The following AKR1D1 variants were observed in gnomAD, a reference collection of about 807,000 sequenced individuals.
AKR1D1 encodes the protein aldo-keto reductase family 1 member D1.
In AKR1D1, 32 loss-of-function variants were observed where a neutral mutation model predicts 42.6. That is an observed-to-expected ratio of 0.75 (90% CI 0.57 to 1.01). AKR1D1 has a LOEUF of 1.01. Among genes scored for constraint, AKR1D1 ranks in the 50% least tolerant of loss-of-function variants. The pLI is 0.00. For synonymous variants in AKR1D1, 123 were observed against 135.5 expected (o/e 0.91, Z 0.64); for missense variants, 364 against 402.2 (o/e 0.91, Z 0.81).
rs1454045690 is a variant in AKR1D1 at position 138,117,694 on chromosome 7, G to C, written c.*1032G>C. ...ATAAGATTATTAGAATTCAGCAATA[G>C]AGATATATCTATTTTCAATTCAACT... On this transcript the variant is annotated 3_prime_UTR_variant, in exon 9 of 9. Coordinates refer to ENST00000242375, the MANE Select transcript of AKR1D1 (RefSeq NM_005989.4). The C allele has an allele frequency of 1.3e-5, 2 of 152,216 alleles. No individual in the cohort carries two copies. The highest frequency in any genetic ancestry group is 4.8e-5 in the African/African-American group (2 of 41,460). The allele number at this position is 152,216 out of a possible 1,614,324, so 9.4% of individuals were successfully genotyped here. A position where few individuals can be genotyped will look rare whatever the true frequency, so the allele number is the denominator to read the frequency against.
In AKR1D1 at chr7:138,106,644, T is replaced by A; in HGVS notation, c.616T>A (p.Leu206Met). The A allele has an allele frequency of 6.2e-7, 1 of 1,614,170 alleles. No individual in the cohort carries two copies. Among genetic ancestry groups the A allele is most frequent in the Admixed American group, 1.7e-5 (1 of 60,010 alleles). The change falls in exon 6 of 9, where the codon TTG becomes ATG. Residue 206 changes from leucine (L) to methionine (M), a missense_variant. Transcript: ENST00000242375. ...CHPYFTQPKL[L>M]KFCQQHDIVI... ...TCCGTATTTCACCCAGCCAAAACTC[T>A]TGAAATTTTGCCAACAACATGACAT... is the stretch of plus-strand genomic sequence containing the variant.
intron 6 of AKR1D1, 49 bp from the exon 7 acceptor site, chr7:138,107,366 G>C: frequency 1.9e-6 from 3 of 1,590,764 alleles, no homozygotes; most frequent in Non-Finnish European, 2.6e-6. Context: ...ATTAACCTTT[G>C]GTTCTCATTA....
At chr7:138,113,403 G>A (rs1794572091) in intron 7 of AKR1D1, among the ~76,000 whole-genome samples, 1 of 152,016 alleles carries the variant, frequency 6.6e-6, no homozygotes, top group Non-Finnish European at 1.5e-5. Context: ...ATTTCATACA[G>A]AAATAAGAAT....
intron 4 of AKR1D1, 153 bp downstream of exon 4, chr7:138,098,096 T>C: frequency 1.5e-6 from 1 of 671,572 alleles, no homozygotes; most frequent in Non-Finnish European, 2.6e-6. Flanking sequence ...TACAGGTATA[T>C]GAAATCTCCA....
chr7:138,088,811 T>A, intron 2 of AKR1D1, 43 bp downstream of exon 2: 1 of 1,550,778 alleles, frequency 6.4e-7, no homozygotes, highest in Non-Finnish European at 8.7e-7. Flanking sequence ...AGTGAGAAGG[T>A]TTCAGTTGTT....
At position 138,098,729 on chromosome 7, in the gene AKR1D1, C is replaced by T. The variant is rs568443999; in HGVS notation, c.456+786C>T. Among the ~76,000 whole-genome samples the T allele has an allele frequency of 3.8e-4, 58 of 151,996 alleles. 1 individual carries two copies. The highest frequency in any genetic ancestry group is 4.2e-4 in the South Asian group (2 of 4,806). Reference sequence around the variant, plus strand: ...AACTATAGGAAAATAATAAATAAACCCTTATGGATTCGTGGTGGGGAGGGA... The same window carrying T: ...AACTATAGGAAAATAATAAATAAACTCTTATGGATTCGTGGTGGGGAGGGA... On this transcript the variant is annotated intron_variant, in intron 4 of 8. Transcript: ENST00000242375.
chr7:138,087,889 TTTTC>T (rs1257699871), intron 1 of AKR1D1, among the ~76,000 whole-genome samples: 3 of 149,268 alleles, frequency 2.0e-5, no homozygotes, highest in South Asian at 2.1e-4. Context: ...GCTACATTTC[TTTTC>T]TTTTTTTTTT....
chr7:138,108,743 G>T (rs1300892969), intron 7 of AKR1D1, among the ~76,000 whole-genome samples: 1 of 152,146 alleles, frequency 6.6e-6, no homozygotes, highest in African/African-American at 2.4e-5. Context: ...GTACAAAAAG[G>T]TGTCTATAGT....
At chr7:138,100,601 C>T (rs1794281052) in intron 4 of AKR1D1, among the ~76,000 whole-genome samples, 1 of 150,994 alleles carries the variant, frequency 6.6e-6, no homozygotes, top group East Asian at 2.0e-4. Context: ...CAATCCTAAA[C>T]ATCTATGCCC....
At chr7:138,116,529 T>C in intron 8 of AKR1D1, 91 bp from the exon 9 acceptor site, 3 of 1,339,754 alleles carry the variant, frequency 2.2e-6, no homozygotes, top group South Asian at 1.2e-5. Flanking sequence ...AGAGGGGTAG[T>C]GGTCAGTGAA....
intron 4 of AKR1D1, among the ~76,000 whole-genome samples, chr7:138,100,013 G>T (rs1200254595): frequency 7.1e-6 from 1 of 141,148 alleles, no homozygotes; most frequent in African/African-American, 2.6e-5. Context: ...AAGAGTTCAA[G>T]GCCACAGTGT....
At chr7:138,078,296 T>A (rs1199360981) in intron 1 of AKR1D1, among the ~76,000 whole-genome samples, 8 of 152,124 alleles carry the variant, frequency 5.3e-5, no homozygotes, top group African/African-American at 1.9e-4. Context: ...TAATGAGACA[T>A]CATCTAAAGT....
At chr7:138,106,482 T>C (rs938034622) in intron 5 of AKR1D1, 126 bp from the exon 6 acceptor site, 1 of 742,044 alleles carries the variant, frequency 1.3e-6, no homozygotes, top group African/African-American at 1.7e-5. Context: ...GGACACGAAA[T>C]GTATATAGTA....
At chr7:138,090,595 C>T (rs1249271002) in intron 2 of AKR1D1, among the ~76,000 whole-genome samples, 2 of 150,724 alleles carry the variant, frequency 1.3e-5, no homozygotes, top group African/African-American at 2.4e-5. Context: ...CAAGATCAAG[C>T]CACTGCGCTC....
Position 138,088,455 on chromosome 7 carries a change from A to G in AKR1D1, c.94-146A>G, listed in dbSNP as rs542935076. 8.1e-6 allele frequency: 8 copies of G among 986,308 alleles called. No homozygotes were observed. In the African/African-American group the frequency reaches 1.3e-4, roughly 16 times the overall value. The allele number at this position is 986,308 out of a possible 1,614,324, so 61.1% of individuals were successfully genotyped here. On this transcript the variant is annotated intron_variant, in intron 1 of 8. Transcript: ENST00000242375. ...GGAGGTCAGTTTCTCCTGCTGCTGA[A>G]CACCATCTTCCAATCACAACAGCAA... is the stretch of plus-strand genomic sequence containing the variant.
intron 1 of AKR1D1, 52 bp from the exon 2 acceptor site, chr7:138,088,549 A>T: frequency 6.3e-7 from 1 of 1,587,318 alleles, no homozygotes; most frequent in South Asian, 1.1e-5. Context: ...AATGATTATT[A>T]AAGGAAAGAC....
rs1004359528 is a variant in AKR1D1, at chr7:138,076,509, G to T, written c.-10G>T. 5.6e-6 allele frequency: 9 copies of T among 1,611,042 alleles called. 1 individual carries two copies. The highest frequency in any genetic ancestry group is 1.7e-5 in the Admixed American group (1 of 59,886). The stretch of plus-strand genomic sequence containing the variant: ...TGTTCAGAATCACTCCTACAGTCAG[G>T]TTCTCCACAATGGATCTCAGTGCTG... On this transcript the variant is annotated 5_prime_UTR_variant, in exon 1 of 9. Coordinates refer to ENST00000242375, the MANE Select transcript of AKR1D1 (RefSeq NM_005989.4).
intron 2 of AKR1D1, 72 bp downstream of exon 2, chr7:138,088,840 C>T: frequency 7.0e-7 from 1 of 1,425,572 alleles, no homozygotes; most frequent in Non-Finnish European, 9.3e-7. Context: ...TATTCATCTT[C>T]CGTGTGTGTG....
intron 7 of AKR1D1, among the ~76,000 whole-genome samples, chr7:138,113,208 TGGGA>T (rs2117474237): frequency 6.6e-6 from 1 of 151,814 alleles, no homozygotes; most frequent in South Asian, 2.1e-4. Context: ...CCCAGCTACT[TGGGA>T]AACTGAGGCA....
Sources: gnomAD v4.1 joint callset for allele counts (sites outside exome capture counted in the v4.1 genomes callset) on GRCh38, gnomAD v4.1.1 for gene constraint, MANE v1.5 for transcripts, NCBI Gene and HGNC (gene_info 2026-07-23, HGNC 2026-07-21) for gene names.